The following CALCRL variants were observed in gnomAD, a reference collection of about 807,000 sequenced individuals.
CALCRL encodes the protein calcitonin receptor like receptor, also known as calcitonin gene-related peptide type 1 receptor.
Under a neutral mutation model 60.4 loss-of-function variants are expected in CALCRL, and 27 were observed. The ratio of observed to expected loss-of-function variants is 0.45; its 90% CI spans 0.33 to 0.62. The LOEUF is 0.62. Ranked by LOEUF, CALCRL falls within the 20% of genes least tolerant of loss-of-function variation. The pLI, the probability that CALCRL is intolerant of heterozygous loss-of-function variation, is 0.03. For missense variants in CALCRL, 424 were observed against 540.7 expected (o/e 0.78, Z 2.14); for synonymous variants, 190 against 182.6 (o/e 1.04, Z -0.33).
At chr2:187,355,802 T>A (rs774494394) in intron 12 of CALCRL, among the ~76,000 whole-genome samples, 1 of 152,032 alleles carries the variant, frequency 6.6e-6, no homozygotes, top group African/African-American at 2.4e-5. Flanking sequence ...TTTAGCAAAG[T>A]CTCAGGATAC....
chr2:187,417,899 T>C (rs200520693), intron 1 of CALCRL, among the ~76,000 whole-genome samples: 1 of 152,184 alleles, frequency 6.6e-6, no homozygotes, highest in East Asian at 1.9e-4. Context: ...GTTTATACAA[T>C]AAAAAGTAAC....
intron 1 of CALCRL, among the ~76,000 whole-genome samples, chr2:187,437,326 A>AG (rs35183625): frequency 0.28 from 42,884 of 152,108 alleles, 6,224 homozygotes; most frequent in Middle Eastern, 0.34. Context: ...GCTGATCACG[A>AG]GATCAGGAAA....
chr2:187,413,146 A>G (rs1689438304), intron 1 of CALCRL, among the ~76,000 whole-genome samples: 1 of 152,178 alleles, frequency 6.6e-6, no homozygotes, highest in Non-Finnish European at 1.5e-5. Context: ...CTCCAGGGAG[A>G]GGGGAAATCT....
intron 1 of CALCRL, among the ~76,000 whole-genome samples, chr2:187,408,789 CA>C (rs1689238417): frequency 6.6e-6 from 1 of 151,664 alleles, no homozygotes; most frequent in Non-Finnish European, 1.5e-5. Flanking sequence ...ATATTCCAGC[CA>C]GAGTTAAAAA....
chr2:187,351,772 A>T, intron 14 of CALCRL, 148 bp downstream of exon 14: 1 of 601,102 alleles, frequency 1.7e-6, no homozygotes, highest in Admixed American at 3.2e-5. Flanking sequence ...AACCTATGGT[A>T]AGAGATTCTA....
At chr2:187,433,242 A>G (rs1690478655) in intron 1 of CALCRL, among the ~76,000 whole-genome samples, 1 of 152,108 alleles carries the variant, frequency 6.6e-6, no homozygotes. Flanking sequence ...AGAAGTAGAA[A>G]TACTCAGAAG....
chr2:187,428,136 A>G (rs1020350179), intron 1 of CALCRL, among the ~76,000 whole-genome samples: 1 of 152,224 alleles, frequency 6.6e-6, no homozygotes, highest in Non-Finnish European at 1.5e-5. Context: ...CCACCATTTT[A>G]CAGAAATAAT....
At chr2:187,397,364 G>A (rs1688706185) in intron 1 of CALCRL, among the ~76,000 whole-genome samples, 1 of 151,272 alleles carries the variant, frequency 6.6e-6, no homozygotes, top group African/African-American at 2.4e-5. Context: ...TATATTCCCA[G>A]ATAGGATATC....
At chr2:187,423,967 T>TATAG (rs1271724656) in intron 1 of CALCRL, among the ~76,000 whole-genome samples, 2 of 152,060 alleles carry the variant, frequency 1.3e-5, no homozygotes, top group Non-Finnish European at 2.9e-5. Context: ...GATTTCAAAA[T>TATAG]ATAGATATGC....
rs1688256433 is a variant in CALCRL at position 187,387,481 on chromosome 2, A to G, written c.-189T>C. On this transcript the variant is annotated 5_prime_UTR_variant, in exon 3 of 15. Coordinates refer to ENST00000392370, the MANE Select transcript of CALCRL (RefSeq NM_005795.6). ...TTTCTATAGGCTAGTATGGGTTTTT[A>G]TTATTAGACGATCTTGAGAAAAATA... The G allele has an allele frequency of 3.4e-6, 1 of 290,150 alleles. No individual in the cohort carries two copies. The highest frequency in any genetic ancestry group is 6.3e-6 in the Non-Finnish European group (1 of 159,846). 18.0% of individuals were successfully genotyped at this position (290,150 alleles called of 1,614,324 possible). A position where few individuals can be genotyped will look rare whatever the true frequency, so the allele number is the denominator to read the frequency against.
At chr2:187,356,815 A>C (rs1686811729) in intron 12 of CALCRL, among the ~76,000 whole-genome samples, 1 of 152,178 alleles carries the variant, frequency 6.6e-6, no homozygotes, top group Non-Finnish European at 1.5e-5. Flanking sequence ...AGAAATAAAC[A>C]ATCAACGCCA....
intron 8 of CALCRL, among the ~76,000 whole-genome samples, chr2:187,366,069 C>A (rs1687263969): frequency 6.6e-6 from 1 of 150,506 alleles, no homozygotes; most frequent in African/African-American, 2.5e-5. Flanking sequence ...AGGTGAAACC[C>A]CGTCTCTACT....
chr2:187,377,279 A>G (rs559290467), intron 8 of CALCRL, among the ~76,000 whole-genome samples: 1 of 152,212 alleles, frequency 6.6e-6, no homozygotes, highest in African/African-American at 2.4e-5. Flanking sequence ...ATAGAACAAG[A>G]CTGCTGGTGA....
chr2:187,395,949 A>G (rs963599442), intron 1 of CALCRL, among the ~76,000 whole-genome samples: 1 of 151,862 alleles, frequency 6.6e-6, no homozygotes, highest in African/African-American at 2.4e-5. Flanking sequence ...AATGATTGTT[A>G]TACAGAAACA....
chr2:187,401,807 G>T (rs1322097165), intron 1 of CALCRL, among the ~76,000 whole-genome samples: 1 of 151,530 alleles, frequency 6.6e-6, no homozygotes, highest in Non-Finnish European at 1.5e-5. Context: ...AGAAATATTA[G>T]CAAGAAAAAA....
chr2:187,380,852 T>C (rs1350672262), intron 5 of CALCRL, 65 bp from the exon 6 acceptor site: 3 of 1,296,112 alleles, frequency 2.3e-6, no homozygotes, highest in Non-Finnish European at 3.3e-6. Flanking sequence ...GACATAGTTT[T>C]AAAAGTGGTT....
intron 8 of CALCRL, among the ~76,000 whole-genome samples, chr2:187,371,344 T>C (rs1280555658): frequency 6.6e-6 from 1 of 151,888 alleles, no homozygotes; most frequent in Non-Finnish European, 1.5e-5. Context: ...AAATTTACAA[T>C]GAATAAATGG....
At chr2:187,397,104 T>A (rs568763269) in intron 1 of CALCRL, among the ~76,000 whole-genome samples, 1 of 151,828 alleles carries the variant, frequency 6.6e-6, no homozygotes, top group Admixed American at 6.6e-5. Context: ...TAATACAAAC[T>A]TCTTAGAATG....
chr2:187,435,382 C>A (rs2105899925), intron 1 of CALCRL, among the ~76,000 whole-genome samples: 1 of 152,272 alleles, frequency 6.6e-6, no homozygotes, highest in South Asian at 2.1e-4. Context: ...TCACTTATCA[C>A]CAAGGGGATG....
Sources: allele counts gnomAD v4.1 joint callset (sites outside exome capture counted in the v4.1 genomes callset), GRCh38; gene constraint gnomAD v4.1.1; transcripts MANE v1.5; gene names NCBI Gene and HGNC (gene_info 2026-07-23, HGNC 2026-07-21).